Variants in FAM168A observed in about 807,000 individuals in gnomAD.
FAM168A encodes the protein protein FAM168A.
In FAM168A, 3 loss-of-function variants were observed where a neutral mutation model predicts 28.5. The observed-to-expected ratio is 0.11, with a 90% CI of 0.05 to 0.27. The LOEUF is 0.27. Ranked by LOEUF, FAM168A falls within the 10% of genes least tolerant of loss-of-function variation. FAM168A has a pLI of 1.00. For missense variants in FAM168A, 222 were observed against 311.5 expected (o/e 0.71, Z 2.16); for synonymous variants, 122 against 124.2 (o/e 0.98, Z 0.12).
At chr11:73,525,877 T>A (rs1943439964) in intron 1 of FAM168A, among the ~76,000 whole-genome samples, 1 of 152,224 alleles carries the variant, frequency 6.6e-6, no homozygotes, top group Non-Finnish European at 1.5e-5. Context: ...ATGTACATGT[T>A]CAAATTACCT....
At chr11:73,561,086 AG>A in intron 1 of FAM168A, among the ~76,000 whole-genome samples, 3 of 148,934 alleles carry the variant, frequency 2.0e-5, no homozygotes, top group Non-Finnish European at 3.0e-5. Context: ...AAAAACAAAA[AG>A]ACCGGGCGCG....
intron 2 of FAM168A, among the ~76,000 whole-genome samples, chr11:73,435,283 G>A (rs1338686502): frequency 6.6e-6 from 1 of 152,212 alleles, no homozygotes; most frequent in Non-Finnish European, 1.5e-5. Context: ...AAAGTCAGGG[G>A]TCTAATCTGG....
chr11:73,597,004 A>G (rs1055097725), intron 1 of FAM168A, among the ~76,000 whole-genome samples: 2 of 152,102 alleles, frequency 1.3e-5, no homozygotes, highest in Non-Finnish European at 2.9e-5. Context: ...GTGATGTTTT[A>G]TGTGCCCTCT....
intron 4 of FAM168A, among the ~76,000 whole-genome samples, chr11:73,416,325 C>A (rs1369622988): frequency 6.6e-6 from 1 of 152,178 alleles, no homozygotes; most frequent in East Asian, 1.9e-4. Context: ...GTTGTAGAAG[C>A]CCTACCACCT....
In FAM168A at chr11:73,404,914, T is replaced by C. The variant is rs1438479790; in HGVS notation, c.*1849A>G. On this transcript the variant is annotated 3_prime_UTR_variant, in exon 8 of 8. Transcript: ENST00000356467. ...GATCCCATTTTTTACAATAAAATGT[T>C]CGTGCCCCACCCCCAGAGGGGCTGC... The C allele has an allele frequency of 1.3e-5, 2 of 152,254 alleles. No individual in the cohort carries two copies. The highest frequency in any genetic ancestry group is 2.9e-5 in the Non-Finnish European group (2 of 68,036). The allele number at this position is 152,254 out of a possible 1,614,324, so 9.4% of individuals were successfully genotyped here. A position where few individuals can be genotyped will look rare whatever the true frequency, so the allele number is the denominator to read the frequency against.
At chr11:73,550,105 T>A (rs1943807916) in intron 1 of FAM168A, among the ~76,000 whole-genome samples, 2 of 152,216 alleles carry the variant, frequency 1.3e-5, no homozygotes, top group South Asian at 4.1e-4. Flanking sequence ...AGAATGCTCT[T>A]TATATTAAAA....
chr11:73,464,565 C>A (rs779702933), intron 2 of FAM168A, among the ~76,000 whole-genome samples: 1 of 152,008 alleles, frequency 6.6e-6, no homozygotes, highest in Non-Finnish European at 1.5e-5. Flanking sequence ...GTGGCCACAA[C>A]GGAATGAAGA....
At chr11:73,515,462 T>G (rs1276433673) in intron 1 of FAM168A, among the ~76,000 whole-genome samples, 1 of 150,198 alleles carries the variant, frequency 6.7e-6, no homozygotes, top group Non-Finnish European at 1.5e-5. Flanking sequence ...GAGCCGAGAT[T>G]GTGCCATTGC....
chr11:73,433,178 G>A (rs1454403796), intron 2 of FAM168A, among the ~76,000 whole-genome samples: 1 of 141,468 alleles, frequency 7.1e-6, no homozygotes, highest in Non-Finnish European at 1.5e-5. Context: ...TTCCTGCCTC[G>A]GCCTCCTAAA....
At chr11:73,442,955 G>GATATACATAT (rs1867226712) in intron 2 of FAM168A, among the ~76,000 whole-genome samples, 7 of 40,228 alleles carry the variant, frequency 1.7e-4, no homozygotes, top group Non-Finnish European at 5.3e-5. Flanking sequence ...ATATACAAAG[G>GATATACATAT]ATATATATAT....
intron 1 of FAM168A, among the ~76,000 whole-genome samples, chr11:73,515,500 C>T (rs1943289579): frequency 7.2e-6 from 1 of 138,066 alleles, no homozygotes; most frequent in South Asian, 2.2e-4. Context: ...AAGAGCAAAA[C>T]TCTGTCTCAA....
intron 2 of FAM168A, among the ~76,000 whole-genome samples, chr11:73,453,241 A>T (rs1373307090): frequency 6.6e-6 from 1 of 152,210 alleles, no homozygotes; most frequent in East Asian, 1.9e-4. Flanking sequence ...GATAGCTGTT[A>T]TAATAAACCC....
intron 1 of FAM168A, among the ~76,000 whole-genome samples, chr11:73,543,252 A>G (rs1943679906): frequency 6.9e-6 from 1 of 145,772 alleles, no homozygotes; most frequent in South Asian, 2.1e-4. Context: ...AACTTCAGCC[A>G]TTAATTGTTC....
At chr11:73,475,673 A>ATGTC (rs1226860736) in intron 1 of FAM168A, among the ~76,000 whole-genome samples, 1 of 152,168 alleles carries the variant, frequency 6.6e-6, no homozygotes, top group African/African-American at 2.4e-5. Flanking sequence ...AAAGTATGAA[A>ATGTC]TGTCTATTCA....
intron 1 of FAM168A, among the ~76,000 whole-genome samples, chr11:73,579,741 T>C (rs1285809635): frequency 2.6e-5 from 4 of 152,228 alleles, no homozygotes; most frequent in Non-Finnish European, 5.9e-5. Context: ...ATTTTTCTCC[T>C]TTACTGATGG....
At chr11:73,575,802 G>A (rs542788740) in intron 1 of FAM168A, among the ~76,000 whole-genome samples, 1 of 152,026 alleles carries the variant, frequency 6.6e-6, no homozygotes, top group Admixed American at 6.6e-5. Context: ...CTGGGAGGTG[G>A]AGGTTGCAGT....
intron 1 of FAM168A, among the ~76,000 whole-genome samples, chr11:73,589,973 T>C (rs992105247): frequency 4.6e-5 from 7 of 152,208 alleles, no homozygotes; most frequent in African/African-American, 1.7e-4. Flanking sequence ...ATTTTCTTTA[T>C]ATTCCATGCA....
Position 73,510,660 on chromosome 11 carries a change from C to T in FAM168A, c.-18-42168G>A, listed in dbSNP as rs140810839. ...TCATGAGGTAAGCCAAAAGGGGGTA[C>T]ATCCTACCAGGATTCGGAATAATTT... is the stretch of plus-strand genomic sequence containing the variant. On this transcript the variant is annotated intron_variant, in intron 1 of 7. Transcript: ENST00000356467. The T allele has an allele frequency of 2.5e-3, 801 of 314,504 alleles. 4 individuals are homozygous for T. The highest frequency in any genetic ancestry group is 0.016 in the African/African-American group (749 of 46,378). The allele number at this position is 314,504 out of a possible 1,614,324, so 19.5% of individuals were successfully genotyped here. A position where few individuals can be genotyped will look rare whatever the true frequency, so the allele number is the denominator to read the frequency against.
chr11:73,573,509 T>G (rs1162867990), intron 1 of FAM168A, among the ~76,000 whole-genome samples: 1 of 152,236 alleles, frequency 6.6e-6, no homozygotes, highest in Admixed American at 6.5e-5. Context: ...TGCAGTTACA[T>G]TCACTCAATA....
Sources: allele counts gnomAD v4.1 joint callset (sites outside exome capture counted in the v4.1 genomes callset), GRCh38; gene constraint gnomAD v4.1.1; transcripts MANE v1.5; gene names NCBI Gene and HGNC (gene_info 2026-07-23, HGNC 2026-07-21).